Variants in TRIM37 observed in about 807,000 individuals in gnomAD.
TRIM37 encodes the protein tripartite motif containing 37.
Under a neutral mutation model 129.8 loss-of-function variants are expected in TRIM37, and 80 were observed. The ratio of observed to expected loss-of-function variants is 0.62; its 90% confidence interval spans 0.51 to 0.74. TRIM37 has a LOEUF of 0.74. Ranked by LOEUF, TRIM37 falls within the 30% of genes least tolerant of loss-of-function variation. The pLI, the probability that TRIM37 is intolerant of heterozygous loss-of-function variation, is 0.00. For synonymous variants in TRIM37, 389 were observed against 387.1 expected (o/e 1.00, Z -0.06); for missense variants, 1,054 against 1,176.5 (o/e 0.90, Z 1.52).
chr17:59,071,534 C>T (rs1318828880), intron 8 of TRIM37, among the ~76,000 whole-genome samples: 2 of 152,098 alleles, frequency 1.3e-5, no homozygotes, highest in Non-Finnish European at 2.9e-5. Context: ...ATCCACCTGC[C>T]TCGGCCTCCC....
At chr17:59,012,983 G>A (rs1432980719) in intron 21 of TRIM37, among the ~76,000 whole-genome samples, 1 of 151,862 alleles carries the variant, frequency 6.6e-6, no homozygotes, top group South Asian at 2.1e-4. Flanking sequence ...CTACAGTTTT[G>A]CAAAATGTTA....
chr17:58,983,586 T>C (rs1181689695), intron 24 of TRIM37: 1 of 152,672 alleles, frequency 6.5e-6, no homozygotes, highest in Non-Finnish European at 1.5e-5. Flanking sequence ...TATTTAATGA[T>C]GGTGTACCTG....
chr17:59,095,558 A>G (rs2044773470), intron 2 of TRIM37, among the ~76,000 whole-genome samples: 2 of 152,328 alleles, frequency 1.3e-5, no homozygotes, highest in African/African-American at 4.8e-5. Context: ...TTTGTTAACA[A>G]AGGACTTTTA....
At chr17:59,002,464 T>C (rs950136956) in intron 22 of TRIM37, among the ~76,000 whole-genome samples, 8 of 152,066 alleles carry the variant, frequency 5.3e-5, no homozygotes, top group Non-Finnish European at 7.4e-5. Context: ...GGTCTTGAAA[T>C]CCTGGGCTTG....
chr17:59,050,759 C>T (rs2040259459), intron 14 of TRIM37, among the ~76,000 whole-genome samples: 1 of 152,160 alleles, frequency 6.6e-6, no homozygotes, highest in East Asian at 1.9e-4. Context: ...GTGGGCAGAT[C>T]ACGAGGTCAG....
intron 10 of TRIM37, chr17:59,064,124 T>C: frequency 2.1e-6 from 1 of 469,424 alleles, no homozygotes; most frequent in Non-Finnish European, 3.8e-6. Context: ...CAAAACCCAG[T>C]CTCAAAATAA....
intron 22 of TRIM37, among the ~76,000 whole-genome samples, chr17:59,004,690 TG>T (rs1204641469): frequency 6.6e-6 from 1 of 152,150 alleles, no homozygotes; most frequent in Admixed American, 6.5e-5. Flanking sequence ...ACAGATGAAA[TG>T]AGCAAATTCT....
chr17:59,063,299 C>T (rs2041656965), intron 10 of TRIM37, among the ~76,000 whole-genome samples: 1 of 152,140 alleles, frequency 6.6e-6, no homozygotes, highest in Admixed American at 6.5e-5. Context: ...CCTGCCTCAG[C>T]CTCCCAAGTA....
At chr17:59,054,510 C>A (rs993175587) in intron 13 of TRIM37, among the ~76,000 whole-genome samples, 5 of 152,102 alleles carry the variant, frequency 3.3e-5, no homozygotes, top group Admixed American at 3.3e-4. Flanking sequence ...CCATGTTGCC[C>A]AGGCTGATCT....
chr17:59,072,619 G>A (rs896824465), intron 8 of TRIM37, among the ~76,000 whole-genome samples: 3 of 151,870 alleles, frequency 2.0e-5, no homozygotes, highest in South Asian at 2.1e-4. Flanking sequence ...GTGGTGGCAC[G>A]TGCCTGTAGT....
chr17:59,060,668 GTAAATAGAATGT>G (rs1232386508), intron 12 of TRIM37, among the ~76,000 whole-genome samples: 2 of 152,186 alleles, frequency 1.3e-5, no homozygotes, highest in Non-Finnish European at 2.9e-5. Flanking sequence ...TCCTTGTGGA[GTAAATAGAATGT>G]TATAAAATTA....
intron 22 of TRIM37, among the ~76,000 whole-genome samples, chr17:59,003,995 G>A (rs541461181): frequency 6.6e-6 from 1 of 151,228 alleles, no homozygotes; most frequent in South Asian, 2.1e-4. Flanking sequence ...AATTGTCCTA[G>A]CTACTAGGGA....
chr17:59,091,974 T>G (rs1361602675), intron 2 of TRIM37, among the ~76,000 whole-genome samples: 1 of 151,952 alleles, frequency 6.6e-6, no homozygotes, highest in Non-Finnish European at 1.5e-5. Context: ...TACTACTAAA[T>G]TTATTTTTTG....
At chr17:59,098,121 G>A (rs189913931) in intron 2 of TRIM37, among the ~76,000 whole-genome samples, 140 of 152,108 alleles carry the variant, frequency 9.2e-4, no homozygotes, top group African/African-American at 3.3e-3. Flanking sequence ...GAATAGAGAG[G>A]TAGAAATAAA....
rs367700401 is a variant in TRIM37, at chr17:59,064,407, TAA to T, written c.810-4_810-3del. ...GAATCGTAAGATGGCACTAATTCACTAAAAAAAAAAAGGCAAAAAAAATTATT... is the reference window on the plus strand; with the variant it reads ...GAATCGTAAGATGGCACTAATTCACTAAAAAAAAAGGCAAAAAAAATTATT... On this transcript the variant is annotated splice_polypyrimidine_tract_variant and splice_region_variant and intron_variant, in intron 9 of 23. Coordinates refer to ENST00000262294, the MANE Select transcript of TRIM37 (RefSeq NM_015294.6). The T allele has an allele frequency of 2.0e-4, 245 of 1,251,702 alleles. No individual in the cohort carries two copies. The highest frequency in any genetic ancestry group is 8.3e-4 in the Admixed American group (37 of 44,458). 77.5% of individuals were successfully genotyped at this position (1,251,702 alleles called of 1,614,324 possible). A position where few individuals can be genotyped will look rare whatever the true frequency, so the allele number is the denominator to read the frequency against.
chr17:59,093,540 C>A (rs776303187), intron 2 of TRIM37, among the ~76,000 whole-genome samples: 31 of 152,188 alleles, frequency 2.0e-4, no homozygotes, highest in Non-Finnish European at 3.8e-4. Flanking sequence ...AATTGCCATG[C>A]TCTACCACAG....
intron 4 of TRIM37, among the ~76,000 whole-genome samples, chr17:59,085,804 A>G (rs2043697316): frequency 6.6e-6 from 1 of 152,224 alleles, no homozygotes; most frequent in African/African-American, 2.4e-5. Flanking sequence ...ATTTTCACTG[A>G]GAGATGAATG....
intron 4 of TRIM37, among the ~76,000 whole-genome samples, chr17:59,084,806 T>C (rs560810476): frequency 1.2e-4 from 19 of 152,198 alleles, no homozygotes; most frequent in Admixed American, 1.2e-3. Context: ...CACGTGCACA[T>C]AGCAAAGATC....
At position 59,075,632 on chromosome 17, in the gene TRIM37, T is replaced by A; in HGVS notation, c.684+15A>T. 6.4e-7 allele frequency: 1 copy of A among 1,573,844 alleles called. No homozygotes were observed. The highest frequency in any genetic ancestry group is 1.1e-5 in the South Asian group (1 of 90,208). On this transcript the variant is annotated intron_variant, in intron 8 of 23. Transcript: ENST00000262294. ...AAGGATAAAGACTATTTCATTACAT[T>A]TAATATTTCATCACCTGGTGCTCCA...
Sources: allele counts gnomAD v4.1 joint callset (sites outside exome capture counted in the v4.1 genomes callset), GRCh38; gene constraint gnomAD v4.1.1; transcripts MANE v1.5; gene names NCBI Gene and HGNC (gene_info 2026-07-23, HGNC 2026-07-21).